SLC4A3: variants seen among roughly 807,000 people sequenced by gnomAD.
SLC4A3 encodes solute carrier family 4 member 3, also known as anion exchange protein 3.
In SLC4A3, 47 loss-of-function variants were observed where a neutral mutation model predicts 114.2. The ratio of observed to expected loss-of-function variants is 0.41; its 90% CI spans 0.33 to 0.52. The LOEUF is 0.52. Among genes scored for constraint, SLC4A3 ranks in the 20% least tolerant of loss-of-function variants. The probability of loss-of-function intolerance (pLI) is 0.21; values close to 1 mark genes in which losing one functional copy is unlikely to be tolerated. For synonymous variants in SLC4A3, 693 were observed against 710.3 expected, an observed-to-expected ratio of 0.98 and a Z score of 0.39; for missense variants, 1,312 against 1,668.3, an observed-to-expected ratio of 0.79 and a Z score of 3.72.
Position 219,640,880 on chromosome 2 carries a change from C to T in SLC4A3, c.3539C>T (p.Ala1180Val), listed in dbSNP as rs1699305314. ...WVVKSTAASLAFPFLLLLTVP... is the reference protein window; with the variant it reads ...WVVKSTAASLVFPFLLLLTVP... ...GTCAAGTCCACGGCGGCCTCACTCG[C>T]CTTTCCCTTCCTGCTGCTGCTCACG... The change falls in exon 22 of 23, where the codon GCC (alanine) becomes GTC (valine). Residue 1180 changes from alanine (A) to valine (V), a missense_variant. By Grantham distance (64) the Ala-to-Val change is moderately conservative. Around this residue, in one of 4 missense-constraint regions of SLC4A3, gnomAD observed 301 missense variants for 460.7 expected, o/e 0.65. Transcript: ENST00000358055. 6.2e-7 allele frequency: 1 copy of T among 1,611,808 alleles called. No individual in the cohort carries two copies. Among genetic ancestry groups the T allele is most frequent in the Non-Finnish European group, 8.5e-7 (1 of 1,180,024 alleles).
In SLC4A3 at chr2:219,630,931, T is replaced by TG; in HGVS notation, c.811+585dup. On this transcript the variant is annotated intron_variant, in intron 6 of 22. Coordinates refer to ENST00000358055, the MANE Select transcript of SLC4A3 (RefSeq NM_005070.4). The surrounding 1 kb of genome is among the most constrained non-coding windows in gnomAD (Gnocchi z 6.9). ...TCCGAGCCACAGTGTGTGGGTGGGG[T>TG]GGGGGGAAGGGTAGGGCTTTGAGCT... The TG allele has an allele frequency of 6.4e-6, 1 of 157,384 alleles. No individual in the cohort carries two copies. The allele number at this position is 157,384 out of a possible 1,614,324, so 9.7% of individuals were successfully genotyped here.
Position 219,636,018 on chromosome 2 carries a change from G to T in SLC4A3, c.2191+127G>T. On this transcript the variant is annotated intron_variant, in intron 14 of 22. Coordinates refer to ENST00000358055, the MANE Select transcript of SLC4A3 (RefSeq NM_005070.4). The surrounding 1 kb of genome is among the most constrained non-coding windows in gnomAD (Gnocchi z 5.5). The stretch of plus-strand genomic sequence containing the variant: ...CCAATGGTTAGATGTGCTAGCAAAG[G>T]TGTAAGCACCTTACAGAGATGCTGG... 1.3e-6 allele frequency: 1 copy of T among 783,634 alleles called. No individual in the cohort carries two copies. Among genetic ancestry groups the T allele is most frequent in the Non-Finnish European group, 2.0e-6 (1 of 505,726 alleles). 48.5% of individuals were successfully genotyped at this position (783,634 alleles called of 1,614,324 possible).
chr2:219,635,166 T>A (rs1057437581), intron 12 of SLC4A3, 105 bp from the exon 13 acceptor site: 6 of 829,724 alleles, frequency 7.2e-6, no homozygotes, highest in Non-Finnish European at 9.9e-6. Context: ...TACGACTGAA[T>A]GTCCACCCTG....
chr2:219,629,710 C>T lies in SLC4A3; in HGVS notation c.611+15C>T. On this transcript the variant is annotated intron_variant, in intron 5 of 22. Transcript: ENST00000358055. ...CACTCCAGCAGGTACTGGCTGCAGC[C>T]TCTACTCAGCAGGGCCCAGCCCAGA... 1 of 1,572,260 alleles carries T rather than the reference C, an allele frequency of 6.4e-7. No individual in the cohort carries two copies.
Position 219,640,942 on chromosome 2 carries a change from C to T in SLC4A3, c.3601C>T (p.Gln1201Ter). 6.2e-7 allele frequency: 1 copy of T among 1,607,430 alleles called. No individual in the cohort carries two copies. Among genetic ancestry groups the T allele is most frequent in the Non-Finnish European group, 8.5e-7 (1 of 1,179,984 alleles). ...LRHCLLPRLF[Q>*]DRELQALDSE... ...GCATTGCCTTCTGCCCCGGCTCTTC[C>T]AGGACAGGGAGCTGCAGGCGGTAAG... Residue 1201 changes from glutamine to a stop codon, truncating the protein, a stop_gained, in exon 22 of 23, where the codon CAG (glutamine) becomes TAG (stop). Coordinates refer to ENST00000358055, the MANE Select transcript of SLC4A3 (RefSeq NM_005070.4). LOFTEE classifies it high-confidence loss of function.
chr2:219,632,795 T>C (rs1448701826), intron 8 of SLC4A3, 79 bp from the exon 9 acceptor site: 1 of 1,574,798 alleles, frequency 6.4e-7, no homozygotes, highest in African/African-American at 1.3e-5. Context: ...CGCATGCTTT[T>C]GGGGGGCAAG....
Position 219,641,503 on chromosome 2 carries a change from C to T in SLC4A3, c.3622-148C>T. On this transcript the variant is annotated intron_variant, in intron 22 of 22. Coordinates refer to ENST00000358055, the MANE Select transcript of SLC4A3 (RefSeq NM_005070.4). This position sits in a 1 kb window ranked among gnomAD's most constrained non-coding sequence, Gnocchi z 4.0. ...GTGACCTGAAGGCTTTGGCCAAGGG[C>T]AGTGCTGCCACCCAGGGTCATGGTA... is the stretch of plus-strand genomic sequence containing the variant. 1.5e-6 allele frequency: 1 copy of T among 664,388 alleles called. No individual in the cohort carries two copies. 41.2% of individuals were successfully genotyped at this position (664,388 alleles called of 1,614,324 possible). A position where few individuals can be genotyped will look rare whatever the true frequency, so the allele number is the denominator to read the frequency against.
At chr2:219,632,589 G>T in intron 8 of SLC4A3, 147 bp downstream of exon 8, 2 of 1,015,216 alleles carry the variant, frequency 2.0e-6, no homozygotes, top group Non-Finnish European at 2.8e-6. Context: ...TGCCTGGGCA[G>T]CCCGTGAGCC....
chr2:219,635,057 G>A (rs1018036410), intron 12 of SLC4A3, among the ~76,000 whole-genome samples: 2 of 152,176 alleles, frequency 1.3e-5, no homozygotes, highest in African/African-American at 4.8e-5. Context: ...TCTCCTGGGG[G>A]AATGGAGGGC....
rs1574644489 is a variant in SLC4A3 at position 219,629,506 on chromosome 2, G to A, written c.496-74G>A. 6.9e-6 allele frequency: 11 copies of A among 1,589,122 alleles called. No individual in the cohort carries two copies. The East Asian group carries it at 1.3e-4, about 19-fold the overall frequency. ...GGAGAGGAGTGCGTGTTGGGGGCCTGTGTGAGGCTGGGTAGGGTTGGGGGC... is the reference window on the plus strand; with the variant it reads ...GGAGAGGAGTGCGTGTTGGGGGCCTATGTGAGGCTGGGTAGGGTTGGGGGC... On this transcript the variant is annotated intron_variant, in intron 4 of 22. Transcript: ENST00000358055.
In SLC4A3 at chr2:219,638,795, G is replaced by A. The variant is rs201977598; in HGVS notation, c.2949G>A (p.Pro983=). The change falls in exon 19 of 23, where the codon CCG becomes CCA. Residue 983 remains proline (P), a synonymous_variant. Transcript: ENST00000358055. This position sits in a 1 kb window ranked among gnomAD's most constrained non-coding sequence, Gnocchi z 7.5. The stretch of plus-strand genomic sequence containing the variant: ...TGGGCAGTGCCCGTCCTTTCCCGCC[G>A]TGGATGATGGTGGCAGCCGCTGTTC... ...PPLGSARPFP[P]WMMVAAAVPA... 5.6e-5 allele frequency: 90 copies of A among 1,614,184 alleles called. No individual in the cohort carries two copies. The highest frequency in any genetic ancestry group is 3.3e-4 in the Middle Eastern group (2 of 6,062).
At chr2:219,640,661 TG>T in intron 21 of SLC4A3, 62 bp downstream of exon 21, 7 of 1,582,906 alleles carry the variant, frequency 4.4e-6, no homozygotes, top group Non-Finnish European at 6.0e-6. Flanking sequence ...CAGAGGGATC[TG>T]GGAGCATTGA....
In SLC4A3 at chr2:219,628,299, A is replaced by G. The variant is rs1233747243; in HGVS notation, c.52-106A>G. The G allele has an allele frequency of 4.1e-6, 5 of 1,225,672 alleles. No individual in the cohort carries two copies. Among genetic ancestry groups the G allele is most frequent in the Non-Finnish European group, 5.6e-6 (5 of 894,246 alleles). 75.9% of individuals were successfully genotyped at this position (1,225,672 alleles called of 1,614,324 possible). A position where few individuals can be genotyped will look rare whatever the true frequency, so the allele number is the denominator to read the frequency against. On this transcript the variant is annotated intron_variant, in intron 2 of 22. Transcript: ENST00000358055. The surrounding 1 kb of genome is among the most constrained non-coding windows in gnomAD (Gnocchi z 4.8). ...CCTGGGAGCAAGGGGAGGGGGCCCG[A>G]TGGTGTGAGAGCCTGCTGAGCTCCC... is the stretch of plus-strand genomic sequence containing the variant.
Position 219,638,076 on chromosome 2 carries a change from C to A in SLC4A3, c.2767-88C>A. ...GGGCCTTCTGGCTCCAGCTTGGACC[C>A]AGGCAGGGCCAGAGATGGCAAGCCC... is the stretch of plus-strand genomic sequence containing the variant. On this transcript the variant is annotated intron_variant, in intron 17 of 22. Coordinates refer to ENST00000358055, the MANE Select transcript of SLC4A3 (RefSeq NM_005070.4). This position sits in a 1 kb window ranked among gnomAD's most constrained non-coding sequence, Gnocchi z 7.5. The A allele has an allele frequency of 8.8e-7, 1 of 1,130,264 alleles. No individual in the cohort carries two copies. Among genetic ancestry groups the A allele is most frequent in the Non-Finnish European group, 1.3e-6 (1 of 766,394 alleles). 70.0% of individuals were successfully genotyped at this position (1,130,264 alleles called of 1,614,324 possible).
Position 219,638,156 on chromosome 2 carries a change from C to G in SLC4A3, c.2767-8C>G, listed in dbSNP as rs761813118. ...TTTTGCTCCCTTCCCCAACTGGCCC[C>G]TCTCAAGGCTCGTCGCATCATCGGG... is the stretch of plus-strand genomic sequence containing the variant. On this transcript the variant is annotated splice_region_variant and splice_polypyrimidine_tract_variant and intron_variant, in intron 17 of 22. Transcript: ENST00000358055. The surrounding 1 kb of genome is among the most constrained non-coding windows in gnomAD (Gnocchi z 7.5). The G allele has an allele frequency of 1.2e-6, 2 of 1,607,850 alleles. No homozygotes were observed. Among genetic ancestry groups the G allele is most frequent in the Non-Finnish European group, 1.7e-6 (2 of 1,176,514 alleles).
Position 219,638,356 on chromosome 2 carries a change from T to C in SLC4A3, c.2856+103T>C. 3 of 987,214 alleles carry C rather than the reference T, an allele frequency of 3.0e-6. No individual in the cohort carries two copies. The highest frequency in any genetic ancestry group is 4.6e-6 in the Non-Finnish European group (3 of 647,740). The allele number at this position is 987,214 out of a possible 1,614,324, so 61.2% of individuals were successfully genotyped here. Reference sequence around the variant, plus strand: ...CCTGGGATTGGGATCAGGCCTGAACTCAACTTTCCCAGTGGAGTGGCCGCC... The same window carrying C: ...CCTGGGATTGGGATCAGGCCTGAACCCAACTTTCCCAGTGGAGTGGCCGCC... On this transcript the variant is annotated intron_variant, in intron 18 of 22. Transcript: ENST00000358055. The surrounding 1 kb of genome is among the most constrained non-coding windows in gnomAD (Gnocchi z 7.5).
At chr2:219,634,368 T>G (rs1323784472) in intron 11 of SLC4A3, 52 bp from the exon 12 acceptor site, 2 of 1,588,228 alleles carry the variant, frequency 1.3e-6, no homozygotes, top group East Asian at 4.5e-5. Context: ...CCCCAGGGCC[T>G]GCCTTGACTG....
intron 12 of SLC4A3, 123 bp from the exon 13 acceptor site, chr2:219,635,148 C>G: frequency 2.8e-6 from 2 of 723,568 alleles, no homozygotes; most frequent in Non-Finnish European, 4.8e-6. Context: ...TTGGACTGGC[C>G]CAGTATCTAC....
At chr2:219,629,777 C>A in intron 5 of SLC4A3, 82 bp downstream of exon 5, 1 of 904,898 alleles carries the variant, frequency 1.1e-6, no homozygotes, top group East Asian at 2.7e-5. Flanking sequence ...TCCTTCCTGA[C>A]CCTGGGGAGT....
Sources: gnomAD v4.1 joint callset for allele counts (sites outside exome capture counted in the v4.1 genomes callset) on GRCh38, gnomAD v4.1.1 for gene constraint, gnomAD v4.1.1 regional missense constraint, Gnocchi (gnomAD v3.1) non-coding constraint, MANE v1.5 for transcripts, NCBI Gene and HGNC (gene_info 2026-07-23, HGNC 2026-07-21) for gene names.